Variants in FNDC3B observed in about 807,000 individuals in gnomAD.
FNDC3B encodes fibronectin type III domain containing 3B, also known as fibronectin type III domain-containing protein 3B.
In FNDC3B, 12 loss-of-function variants were observed where a neutral mutation model predicts 151.5. That is an observed-to-expected ratio of 0.08 (90% CI 0.05 to 0.13). The LOEUF is 0.13. FNDC3B is among the 10% of genes least tolerant of loss of function. FNDC3B has a pLI of 1.00. For missense variants in FNDC3B, 1,214 were observed against 1,505.3 expected (o/e 0.81, Z 3.20); for synonymous variants, 528 against 549.0 (o/e 0.96, Z 0.54).
At chr3:172,179,812 G>T (rs1193896412) in intron 3 of FNDC3B, among the ~76,000 whole-genome samples, 2 of 131,678 alleles carry the variant, frequency 1.5e-5, no homozygotes, top group Non-Finnish European at 3.1e-5. Context: ...GAGCCCAGAT[G>T]ACATCACTGC....
At chr3:172,130,668 G>A (rs1019777640) in intron 2 of FNDC3B, among the ~76,000 whole-genome samples, 33 of 152,150 alleles carry the variant, frequency 2.2e-4, no homozygotes, top group African/African-American at 7.2e-4. Flanking sequence ...ACGACAGTCC[G>A]GACATGTCCC....
chr3:172,306,444 G>A (rs1731205929), intron 9 of FNDC3B, among the ~76,000 whole-genome samples: 1 of 152,144 alleles, frequency 6.6e-6, no homozygotes, highest in South Asian at 2.1e-4. Flanking sequence ...AGAATTAAGG[G>A]CTCAATATCT....
intron 7 of FNDC3B, among the ~76,000 whole-genome samples, chr3:172,293,007 C>A (rs1030972771): frequency 1.3e-5 from 2 of 152,194 alleles, no homozygotes; most frequent in Non-Finnish European, 1.5e-5. Context: ...TGTCCAGAAT[C>A]AGTCTCAGAA....
chr3:172,149,806 G>GTTTTTTTTTTTTGTTTTGTTTTTT (rs1722115733), intron 3 of FNDC3B, among the ~76,000 whole-genome samples: 1 of 52,508 alleles, frequency 1.9e-5, no homozygotes, highest in Non-Finnish European at 3.2e-5. Context: ...TATGTTGGGT[G>GTTTTTTTTTTTTGTTTTGTTTTTT]TTTTTTTTTT....
chr3:172,340,272 G>A (rs1444698178), intron 16 of FNDC3B, among the ~76,000 whole-genome samples: 3 of 140,914 alleles, frequency 2.1e-5, no homozygotes, highest in South Asian at 2.2e-4. Context: ...TGTCACCCCC[G>A]TAGGCATTTT....
chr3:172,144,843 T>C (rs1721818085), intron 3 of FNDC3B, among the ~76,000 whole-genome samples: 1 of 152,106 alleles, frequency 6.6e-6, no homozygotes, highest in Non-Finnish European at 1.5e-5. Context: ...ATGGGGAATA[T>C]GCTTTACTAC....
At chr3:172,130,593 G>C (rs1721029665) in intron 2 of FNDC3B, among the ~76,000 whole-genome samples, 1 of 152,164 alleles carries the variant, frequency 6.6e-6, no homozygotes, top group East Asian at 1.9e-4. Flanking sequence ...GTTTGGCCTG[G>C]TGTCAGTGAC....
Position 172,215,484 on chromosome 3 carries a change from A to G in FNDC3B, c.188-11387A>G, listed in dbSNP as rs192660230. 2.1e-4 allele frequency among the ~76,000 whole-genome samples: 32 copies of G among 152,276 alleles called. No individual in the cohort carries two copies. In the East Asian group the frequency reaches 3.7e-3, roughly 17 times the overall value. ...CACGCCTGTTATCCCAGCACTTTGGAAGGCCGAGGTGAGTGGATCACCTGA... is the reference window on the plus strand; with the variant it reads ...CACGCCTGTTATCCCAGCACTTTGGGAGGCCGAGGTGAGTGGATCACCTGA... On this transcript the variant is annotated intron_variant, in intron 3 of 25. Coordinates refer to ENST00000415807, the MANE Select transcript of FNDC3B (RefSeq NM_022763.4).
At chr3:172,341,278 G>T in intron 17 of FNDC3B, 47 bp downstream of exon 17, 3 of 1,346,864 alleles carry the variant, frequency 2.2e-6, no homozygotes, top group Non-Finnish European at 3.2e-6. Flanking sequence ...ATCAAATTCG[G>T]ACAAACTGTC....
At chr3:172,369,460 GA>G (rs886741292) in intron 23 of FNDC3B, among the ~76,000 whole-genome samples, 8 of 145,526 alleles carry the variant, frequency 5.5e-5, no homozygotes, top group Admixed American at 2.7e-4. Flanking sequence ...AAAGTATACC[GA>G]AAAAAAAGTT....
At chr3:172,215,609 A>G (rs1049191392) in intron 3 of FNDC3B, among the ~76,000 whole-genome samples, 2 of 152,154 alleles carry the variant, frequency 1.3e-5, no homozygotes, top group Non-Finnish European at 2.9e-5. Flanking sequence ...CTGTAATCCC[A>G]GCTACTCGGG....
chr3:172,397,684 A>AAAT lies in FNDC3B; in HGVS notation c.*209_*210insAAT. 4.2e-6 allele frequency: 1 copy of AAAT among 239,088 alleles called. No homozygotes were observed. The highest frequency in any genetic ancestry group is 6.1e-5 in the East Asian group (1 of 16,470). 14.8% of individuals were successfully genotyped at this position (239,088 alleles called of 1,614,324 possible). ...AACTGGATTTTTTTTTTTAAAAAAAAGAAAAAAAAAGAAGAAAAGTATACC... is the reference window on the plus strand; with the variant it reads ...AACTGGATTTTTTTTTTTAAAAAAAAAATGAAAAAAAAAGAAGAAAAGTATACC... On this transcript the variant is annotated 3_prime_UTR_variant, in exon 26 of 26. Coordinates refer to ENST00000415807, the MANE Select transcript of FNDC3B (RefSeq NM_022763.4).
chr3:172,132,254 T>C (rs1240310112), intron 2 of FNDC3B, among the ~76,000 whole-genome samples: 1 of 152,200 alleles, frequency 6.6e-6, no homozygotes, highest in African/African-American at 2.4e-5. Flanking sequence ...AACAGTATGC[T>C]TGACAGTTTC....
chr3:172,127,112 G>A (rs1720844098), intron 2 of FNDC3B: 1 of 454,510 alleles, frequency 2.2e-6, no homozygotes, highest in African/African-American at 2.0e-5. Flanking sequence ...GGCAGATTTG[G>A]TAAAAAATTT....
At chr3:172,272,633 G>T (rs1439890415) in intron 6 of FNDC3B, among the ~76,000 whole-genome samples, 1 of 152,166 alleles carries the variant, frequency 6.6e-6, no homozygotes, top group Non-Finnish European at 1.5e-5. Flanking sequence ...GAGCCTTTGG[G>T]TTTTGCTGAA....
At position 172,112,422 on chromosome 3, in the gene FNDC3B, C is replaced by T; in HGVS notation, c.-28-30C>T. Reference sequence around the variant, plus strand: ...ACAGGTGATTTTTGTGGTTCTGAGTCCTTTTTAAAAAGCGGCGGTTCTCTT... The same window carrying T: ...ACAGGTGATTTTTGTGGTTCTGAGTTCTTTTTAAAAAGCGGCGGTTCTCTT... On this transcript the variant is annotated intron_variant, in intron 1 of 25. Transcript: ENST00000415807. 3 of 1,200,986 alleles carry T rather than the reference C, an allele frequency of 2.5e-6. No homozygotes were observed. In the South Asian group the frequency reaches 3.6e-5, roughly 15 times the overall value. The allele number at this position is 1,200,986 out of a possible 1,614,324, so 74.4% of individuals were successfully genotyped here.
chr3:172,299,488 T>C (rs1227552898), intron 9 of FNDC3B, among the ~76,000 whole-genome samples: 1 of 152,254 alleles, frequency 6.6e-6, no homozygotes, highest in Non-Finnish European at 1.5e-5. Flanking sequence ...ATCTATTTAT[T>C]TGCCAATAAG....
At chr3:172,379,595 A>G (rs1735332614) in intron 24 of FNDC3B, among the ~76,000 whole-genome samples, 1 of 152,224 alleles carries the variant, frequency 6.6e-6, no homozygotes, top group Non-Finnish European at 1.5e-5. Flanking sequence ...ATGAGTATGA[A>G]TGTGCATACA....
At chr3:172,286,008 A>G (rs1382156513) in intron 7 of FNDC3B, 24 bp downstream of exon 7, 3 of 1,565,998 alleles carry the variant, frequency 1.9e-6, no homozygotes, top group Admixed American at 1.7e-5. Flanking sequence ...ATTTCTCAGC[A>G]TAAATGACAC....
Sources: allele counts gnomAD v4.1 joint callset (sites outside exome capture counted in the v4.1 genomes callset), GRCh38; gene constraint gnomAD v4.1.1; transcripts MANE v1.5; gene names NCBI Gene and HGNC (gene_info 2026-07-23, HGNC 2026-07-21).